Variants in LHFPL3 observed in about 807,000 individuals in gnomAD.
LHFPL3 encodes LHFPL tetraspan subfamily member 3 protein.
In LHFPL3, 5 loss-of-function variants were observed where a neutral mutation model predicts 19.3. The ratio of observed to expected loss-of-function variants is 0.26; its 90% CI spans 0.14 to 0.54. The LOEUF is 0.54. LHFPL3 is among the 20% of genes least tolerant of loss of function. The probability of loss-of-function intolerance (pLI) is 0.94; values close to 1 mark genes in which losing one functional copy is unlikely to be tolerated. For missense variants in LHFPL3, 249 were observed against 307.4 expected, an observed-to-expected ratio of 0.81 and a Z score of 1.42; for synonymous variants, 133 against 126.2, an observed-to-expected ratio of 1.05 and a Z score of -0.36.
At chr7:104,674,138 C>T (rs1182787166) in intron 1 of LHFPL3, among the ~76,000 whole-genome samples, 8 of 148,104 alleles carry the variant, frequency 5.4e-5, no homozygotes, top group Non-Finnish European at 1.2e-4. Context: ...ACTCAGAATA[C>T]ATGTTCTTCA....
chr7:104,350,895 C>T (rs1158770015), intron 1 of LHFPL3, among the ~76,000 whole-genome samples: 1 of 152,090 alleles, frequency 6.6e-6, no homozygotes, highest in East Asian at 1.9e-4. Context: ...CAAACATTAG[C>T]TGAGAGTGGT....
intron 2 of LHFPL3, among the ~76,000 whole-genome samples, chr7:104,755,582 C>CCACA (rs35584345): frequency 1.3e-3 from 202 of 150,550 alleles, no homozygotes; most frequent in East Asian, 3.2e-3. Context: ...CCCAACACCA[C>CCACA]CACACACACA....
At chr7:104,457,242 T>C (rs1184870953) in intron 1 of LHFPL3, among the ~76,000 whole-genome samples, 1 of 151,956 alleles carries the variant, frequency 6.6e-6, no homozygotes, top group East Asian at 1.9e-4. Context: ...TAGCATTAGG[T>C]ATATCTCCTC....
chr7:104,818,158 A>C (rs896828966), intron 2 of LHFPL3, among the ~76,000 whole-genome samples: 4 of 152,198 alleles, frequency 2.6e-5, no homozygotes, highest in African/African-American at 9.7e-5. Flanking sequence ...GCTCTTAGGA[A>C]TGAGTGTACT....
At chr7:104,548,154 G>A (rs1317995550) in intron 1 of LHFPL3, among the ~76,000 whole-genome samples, 2 of 152,108 alleles carry the variant, frequency 1.3e-5, no homozygotes, top group African/African-American at 4.8e-5. Context: ...CAAAATGTCT[G>A]AAACCAAAAT....
chr7:104,522,813 A>G (rs972923532), intron 1 of LHFPL3, among the ~76,000 whole-genome samples: 5 of 152,140 alleles, frequency 3.3e-5, no homozygotes, highest in Non-Finnish European at 5.9e-5. Context: ...GAAACAGGGT[A>G]AGACTTTGAA....
chr7:104,770,348 G>T (rs1169923085), intron 2 of LHFPL3, among the ~76,000 whole-genome samples: 1 of 152,168 alleles, frequency 6.6e-6, no homozygotes, highest in African/African-American at 2.4e-5. Context: ...AGCCAAAGAA[G>T]TGGAATCACA....
At chr7:104,384,733 G>A (rs1790899790) in intron 1 of LHFPL3, among the ~76,000 whole-genome samples, 1 of 146,086 alleles carries the variant, frequency 6.8e-6, no homozygotes, top group African/African-American at 2.6e-5. Context: ...GTTGCCGTGA[G>A]CCAAGATCGT....
At chr7:104,713,310 T>C (rs1793327924) in intron 1 of LHFPL3, among the ~76,000 whole-genome samples, 2 of 152,230 alleles carry the variant, frequency 1.3e-5, no homozygotes, top group Admixed American at 1.3e-4. Flanking sequence ...TATTAGTGCA[T>C]TCTCACATTG....
chr7:104,377,261 TGA>T (rs1225658121), intron 1 of LHFPL3, among the ~76,000 whole-genome samples: 1 of 152,174 alleles, frequency 6.6e-6, no homozygotes, highest in Non-Finnish European at 1.5e-5. Flanking sequence ...GAAAGGTGAC[TGA>T]GAGAGAAATG....
chr7:104,512,202 G>A (rs1021467189), intron 1 of LHFPL3, among the ~76,000 whole-genome samples: 11 of 151,710 alleles, frequency 7.3e-5, no homozygotes, highest in South Asian at 2.1e-4. Flanking sequence ...TGATCCACCC[G>A]CCTCAGCCTC....
At chr7:104,599,045 A>G (rs757777819) in intron 1 of LHFPL3, among the ~76,000 whole-genome samples, 1 of 152,196 alleles carries the variant, frequency 6.6e-6, no homozygotes, top group Non-Finnish European at 1.5e-5. Flanking sequence ...CTCCCCTCAT[A>G]TGAGTGCTTC....
chr7:104,806,825 TTCCCTCACTC>T (rs1475916213), intron 2 of LHFPL3, among the ~76,000 whole-genome samples: 1 of 152,160 alleles, frequency 6.6e-6, no homozygotes, highest in Admixed American at 6.5e-5. Flanking sequence ...ATCAGGCACT[TTCCCTCACTC>T]TCCTTGCTGC....
chr7:104,362,420 T>TCAGAA (rs1790403256), intron 1 of LHFPL3, among the ~76,000 whole-genome samples: 1 of 152,340 alleles, frequency 6.6e-6, no homozygotes, highest in South Asian at 2.1e-4. Context: ...CCTAAGATGT[T>TCAGAA]TTGTTTAATT....
intron 2 of LHFPL3, among the ~76,000 whole-genome samples, chr7:104,801,390 G>T (rs932961253): frequency 2.0e-5 from 3 of 152,156 alleles, no homozygotes; most frequent in Non-Finnish European, 4.4e-5. Context: ...ACCCATACAA[G>T]GGGGTCAGGG....
chr7:104,362,419 T>C (rs1196353900), intron 1 of LHFPL3, among the ~76,000 whole-genome samples: 1 of 152,234 alleles, frequency 6.6e-6, no homozygotes, highest in Non-Finnish European at 1.5e-5. Flanking sequence ...GCCTAAGATG[T>C]TTTGTTTAAT....
intron 1 of LHFPL3, among the ~76,000 whole-genome samples, chr7:104,357,275 G>T (rs1790298180): frequency 1.3e-5 from 2 of 152,166 alleles, no homozygotes; most frequent in Admixed American, 1.3e-4. Flanking sequence ...CTCAGAGCTA[G>T]AGATCACCTT....
chr7:104,848,240 C>G (rs901599495), intron 2 of LHFPL3, among the ~76,000 whole-genome samples: 1 of 152,138 alleles, frequency 6.6e-6, no homozygotes, highest in Non-Finnish European at 1.5e-5. Context: ...AGATGACAAT[C>G]CACCATGTCA....
intron 1 of LHFPL3, among the ~76,000 whole-genome samples, chr7:104,339,045 C>T (rs1160009233): frequency 1.3e-5 from 2 of 152,090 alleles, no homozygotes; most frequent in African/African-American, 4.8e-5. Flanking sequence ...GTCAGGCATT[C>T]AAGACCAGCC....
Sources: gnomAD v4.1 joint callset for allele counts (sites outside exome capture counted in the v4.1 genomes callset) on GRCh38, gnomAD v4.1.1 for gene constraint, MANE v1.5 for transcripts, NCBI Gene and HGNC (gene_info 2026-07-23, HGNC 2026-07-21) for gene names.